The following PCDHGA3 variants were observed in gnomAD, a reference collection of about 807,000 sequenced individuals.
PCDHGA3 encodes protocadherin gamma-A3.
Under a neutral mutation model 58.5 loss-of-function variants are expected in PCDHGA3, and 40 were observed. The ratio of observed to expected loss-of-function variants is 0.68; its 90% CI spans 0.53 to 0.89. The LOEUF is 0.89. PCDHGA3 is among the 40% of genes least tolerant of loss of function. The pLI is 0.00. For synonymous variants in PCDHGA3, 530 were observed against 525.7 expected (o/e 1.01, Z -0.11); for missense variants, 1,223 against 1,195.9 (o/e 1.02, Z -0.33).
At chr5:141,452,076 G>A (rs978382005) in intron 1 of PCDHGA3, among the ~76,000 whole-genome samples, 3 of 152,092 alleles carry the variant, frequency 2.0e-5, no homozygotes, top group Non-Finnish European at 2.9e-5. Flanking sequence ...TTATTAGTTG[G>A]CATTATACAG....
At chr5:141,417,626 T>A (rs1156653216) in intron 1 of PCDHGA3, 3 of 689,458 alleles carry the variant, frequency 4.4e-6, no homozygotes, top group Non-Finnish European at 6.8e-6. Context: ...GAGCAAGCGC[T>A]GACGCCGGGG....
At position 141,486,622 on chromosome 5, in the gene PCDHGA3, C is replaced by T. The variant is rs1320329216; in HGVS notation, c.2425-8185C>T. On this transcript the variant is annotated intron_variant, in intron 1 of 3. Coordinates refer to ENST00000253812, the MANE Select transcript of PCDHGA3 (RefSeq NM_018916.4). The surrounding 1 kb of genome is among the most constrained non-coding windows in gnomAD (Gnocchi z 5.0). ...GCTCCCTTGCAGCCTCTGACCCAGACTCTGGCTTGAATGCGCTTATCTCCT... is the reference window on the plus strand; with the variant it reads ...GCTCCCTTGCAGCCTCTGACCCAGATTCTGGCTTGAATGCGCTTATCTCCT... 6.2e-7 allele frequency: 1 copy of T among 1,613,574 alleles called. No individual in the cohort carries two copies. The highest frequency in any genetic ancestry group is 8.5e-7 in the Non-Finnish European group (1 of 1,180,042).
In PCDHGA3 at chr5:141,487,476, A is replaced by G; in HGVS notation, c.2425-7331A>G. Reference sequence around the variant, plus strand: ...ATCAAGTTTGTTGATGTGGGAGGCCACTCTCATGGCTGTACACCCTTGGCT... The same window carrying G: ...ATCAAGTTTGTTGATGTGGGAGGCCGCTCTCATGGCTGTACACCCTTGGCT... On this transcript the variant is annotated intron_variant, in intron 1 of 3. Transcript: ENST00000253812. The surrounding 1 kb of genome is among the most constrained non-coding windows in gnomAD (Gnocchi z 5.0). The G allele has an allele frequency of 6.2e-7, 1 of 1,614,004 alleles. No homozygotes were observed. Among genetic ancestry groups the G allele is most frequent in the Non-Finnish European group, 8.5e-7 (1 of 1,180,002 alleles).
At position 141,477,166 on chromosome 5, in the gene PCDHGA3, G is replaced by A. The variant is rs753389305; in HGVS notation, c.2425-17641G>A. ...TTGTGGATGTGAATGACAACGCCCC[G>A]GAGATCACAGTCACCTCCGTGTACA... On this transcript the variant is annotated intron_variant, in intron 1 of 3. Transcript: ENST00000253812. This position sits in a 1 kb window ranked among gnomAD's most constrained non-coding sequence, Gnocchi z 4.9. 5.9e-5 allele frequency: 96 copies of A among 1,614,012 alleles called. 1 individual carries two copies. Among genetic ancestry groups the A allele is most frequent in the Non-Finnish European group, 7.9e-5 (93 of 1,180,030 alleles).
intron 1 of PCDHGA3, among the ~76,000 whole-genome samples, chr5:141,455,138 T>C (rs1393664563): frequency 6.6e-6 from 1 of 151,028 alleles, no homozygotes; most frequent in Non-Finnish European, 1.5e-5. Context: ...TTACACTGTG[T>C]TAAATAAATA....
At chr5:141,414,186 G>C in intron 1 of PCDHGA3, 1 of 1,609,824 alleles carries the variant, frequency 6.2e-7, no homozygotes, top group Non-Finnish European at 8.5e-7. Context: ...CTGCAAAAGT[G>C]TTGATTACAG....
intron 3 of PCDHGA3, among the ~76,000 whole-genome samples, chr5:141,505,999 G>A (rs891447053): frequency 1.3e-5 from 2 of 152,172 alleles, no homozygotes; most frequent in African/African-American, 4.8e-5. Flanking sequence ...TTTATGCGAG[G>A]CTCCTCTTTT....
intron 1 of PCDHGA3, chr5:141,376,036 G>T: frequency 6.2e-7 from 1 of 1,613,116 alleles, no homozygotes; most frequent in Non-Finnish European, 8.5e-7. Context: ...ACCACGGCCA[G>T]CCCCCTCTCT....
Position 141,383,719 on chromosome 5 carries a change from A to C in PCDHGA3, c.2424+37262A>C, listed in dbSNP as rs779948364. The C allele has an allele frequency of 6.2e-6, 10 of 1,613,982 alleles. No individual in the cohort carries two copies. The East Asian group carries it at 2.2e-4, about 36-fold the overall frequency. ...TGCTATCGACCTGGACGAGGGAGTCAATGGGGAAGTGACATATTCTTTTCG... is the reference window on the plus strand; with the variant it reads ...TGCTATCGACCTGGACGAGGGAGTCCATGGGGAAGTGACATATTCTTTTCG... On this transcript the variant is annotated intron_variant, in intron 1 of 3. Transcript: ENST00000253812.
At chr5:141,452,909 TAC>T (rs1370071626) in intron 1 of PCDHGA3, among the ~76,000 whole-genome samples, 2 of 152,232 alleles carry the variant, frequency 1.3e-5, no homozygotes, top group African/African-American at 4.8e-5. Context: ...GTTGGCATTA[TAC>T]AGTAAGAAAG....
chr5:141,371,971 G>C, intron 1 of PCDHGA3: 1 of 1,612,438 alleles, frequency 6.2e-7, no homozygotes, highest in Non-Finnish European at 8.5e-7. Flanking sequence ...GAGCAGCTGC[G>C]TGCCTTCGAG....
intron 1 of PCDHGA3, among the ~76,000 whole-genome samples, chr5:141,450,951 A>G (rs1018018318): frequency 1.3e-5 from 2 of 151,732 alleles, no homozygotes; most frequent in Non-Finnish European, 2.9e-5. Context: ...CAGCCTCCCA[A>G]GTAGCTGGGA....
intron 1 of PCDHGA3, chr5:141,413,353 C>A (rs2095629361): frequency 6.2e-7 from 1 of 1,613,962 alleles, no homozygotes; most frequent in East Asian, 2.2e-5. Context: ...GGGTCTGGCG[C>A]CCCGGGAGCT....
At chr5:141,376,432 G>C (rs1402207776) in intron 1 of PCDHGA3, 6 of 1,614,084 alleles carry the variant, frequency 3.7e-6, no homozygotes, top group African/African-American at 1.3e-5. Flanking sequence ...TCAACCAGGA[G>C]AGCTATGAGA....
chr5:141,403,749 C>T (rs759577178), intron 1 of PCDHGA3: 2 of 1,613,652 alleles, frequency 1.2e-6, no homozygotes, highest in Non-Finnish European at 1.7e-6. Context: ...ACTGCAACAG[C>T]CAGCGACCTG....
chr5:141,357,282 G>T, intron 1 of PCDHGA3: 2 of 1,613,964 alleles, frequency 1.2e-6, no homozygotes, highest in Non-Finnish European at 1.7e-6. Context: ...TCTATCTCGT[G>T]GTGGCAGTGG....
chr5:141,444,997 A>G (rs2154560871), intron 1 of PCDHGA3, among the ~76,000 whole-genome samples: 1 of 152,292 alleles, frequency 6.6e-6, no homozygotes, highest in Admixed American at 6.5e-5. Context: ...ATATATTTCC[A>G]TTTAATTAGG....
At chr5:141,384,610 G>A in intron 1 of PCDHGA3, 1 of 1,614,238 alleles carries the variant, frequency 6.2e-7, no homozygotes, top group Non-Finnish European at 8.5e-7. Context: ...CCCCACAGAT[G>A]GTTCTACTGG....
At chr5:141,483,187 GTTT>G (rs899657161) in intron 1 of PCDHGA3, among the ~76,000 whole-genome samples, 2 of 152,172 alleles carry the variant, frequency 1.3e-5, no homozygotes, top group African/African-American at 4.8e-5. Flanking sequence ...AAGCCAAGGA[GTTT>G]TTATTTTATT....
Sources: allele counts gnomAD v4.1 joint callset (sites outside exome capture counted in the v4.1 genomes callset), GRCh38; gene constraint gnomAD v4.1.1; non-coding constraint Gnocchi (gnomAD v3.1); transcripts MANE v1.5; gene names NCBI Gene and HGNC (gene_info 2026-07-23, HGNC 2026-07-21).